Variants in EPB41 observed in about 807,000 individuals in gnomAD.
The protein encoded by EPB41 is protein 4.1.
EPB41 carries 65 observed loss-of-function variants against 108.0 expected under a neutral mutation model. That is an observed-to-expected ratio of 0.60 (90% CI 0.49 to 0.74). The LOEUF is 0.74. Ranked by LOEUF, EPB41 falls within the 30% of genes least tolerant of loss-of-function variation. EPB41 has a pLI of 0.00. For missense variants in EPB41, 875 were observed against 1,037.0 expected, an observed-to-expected ratio of 0.84 and a Z score of 2.15; for synonymous variants, 336 against 358.9, an observed-to-expected ratio of 0.94 and a Z score of 0.72.
intron 1 of EPB41, among the ~76,000 whole-genome samples, chr1:28,895,138 G>C (rs1480905636): frequency 6.6e-6 from 1 of 152,164 alleles, no homozygotes; most frequent in East Asian, 1.9e-4. Flanking sequence ...TTAGAAAATA[G>C]GTGGATTAGG....
At position 29,117,034 on chromosome 1, in the gene EPB41, T is replaced by C. The variant is rs1196498416; in HGVS notation, c.*222T>C. On this transcript the variant is annotated 3_prime_UTR_variant, in exon 21 of 21. Coordinates refer to ENST00000343067, the MANE Select transcript of EPB41 (RefSeq NM_001376013.1). ...TTTTTCTATATTAGGATATCAGAAT[T>C]GTTCAACTTTTCACTCTATAGACTG... The C allele has an allele frequency of 6.6e-6, 1 of 152,254 alleles. No individual in the cohort carries two copies. Among genetic ancestry groups the C allele is most frequent in the Non-Finnish European group, 1.5e-5 (1 of 68,048 alleles). The allele number at this position is 152,254 out of a possible 1,614,324, so 9.4% of individuals were successfully genotyped here. A position where few individuals can be genotyped will look rare whatever the true frequency, so the allele number is the denominator to read the frequency against.
At chr1:29,056,722 C>CA (rs1170171960) in intron 12 of EPB41, among the ~76,000 whole-genome samples, 1 of 152,082 alleles carries the variant, frequency 6.6e-6, no homozygotes, top group Non-Finnish European at 1.5e-5. Context: ...GACAAGGTTT[C>CA]ACCATGTTGG....
intron 1 of EPB41, among the ~76,000 whole-genome samples, chr1:28,951,806 A>G (rs1047131872): frequency 1.3e-5 from 2 of 152,142 alleles, no homozygotes; most frequent in African/African-American, 4.8e-5. Flanking sequence ...GTGAGCTGTG[A>G]TTGTGCCATT....
chr1:28,945,260 G>C (rs191868020), intron 1 of EPB41, among the ~76,000 whole-genome samples: 1 of 152,124 alleles, frequency 6.6e-6, no homozygotes, highest in East Asian at 1.9e-4. Context: ...TTAATTATCT[G>C]GTGGTGAAAA....
At chr1:29,068,322 G>T (rs1649432754) in intron 16 of EPB41, among the ~76,000 whole-genome samples, 1 of 152,136 alleles carries the variant, frequency 6.6e-6, no homozygotes, top group African/African-American at 2.4e-5. Flanking sequence ...AAAGTAACTT[G>T]GTCCTCTCTT....
chr1:29,023,134 A>T (rs1218002490), intron 7 of EPB41, among the ~76,000 whole-genome samples: 1 of 151,514 alleles, frequency 6.6e-6, no homozygotes, highest in Admixed American at 6.6e-5. Flanking sequence ...AGCTAGGATT[A>T]CAAGTGCCTG....
intron 1 of EPB41, among the ~76,000 whole-genome samples, chr1:28,971,128 A>AT (rs1004004508): frequency 1.5e-4 from 22 of 147,362 alleles, no homozygotes; most frequent in African/African-American, 5.6e-4. Context: ...AATTACAGGC[A>AT]TGAGCCACCA....
chr1:29,031,284 A>AT (rs1482002944), intron 8 of EPB41, among the ~76,000 whole-genome samples: 1 of 152,264 alleles, frequency 6.6e-6, no homozygotes, highest in Non-Finnish European at 1.5e-5. Flanking sequence ...ATTTGAAAAT[A>AT]TAGAGCAGTG....
chr1:28,957,035 A>G (rs925611478), intron 1 of EPB41, among the ~76,000 whole-genome samples: 9 of 152,266 alleles, frequency 5.9e-5, no homozygotes, highest in Non-Finnish European at 1.0e-4. Context: ...ACTAGATTGC[A>G]TGTAATGTGA....
chr1:29,047,914 G>T (rs1318399192), intron 11 of EPB41, among the ~76,000 whole-genome samples: 2 of 151,882 alleles, frequency 1.3e-5, no homozygotes, highest in Non-Finnish European at 2.9e-5. Flanking sequence ...CTCCCAAGTA[G>T]CTGGGATTAC....
At chr1:28,947,408 G>GACAGACAA (rs1416066720) in intron 1 of EPB41, among the ~76,000 whole-genome samples, 276 of 149,738 alleles carry the variant, frequency 1.8e-3, no homozygotes, top group Middle Eastern at 6.9e-3. Context: ...CTCCGTCTCA[G>GACAGACAA]ACAAACAAAC....
upstream of EPB41, among the ~76,000 whole-genome samples, chr1:28,910,687 G>A (rs1296363314): frequency 1.3e-5 from 2 of 152,172 alleles, no homozygotes; most frequent in Non-Finnish European, 2.9e-5. Context: ...TGCAGCTGGT[G>A]TTTGCTTTTG....
chr1:29,110,594 G>A (rs578800), intron 18 of EPB41, among the ~76,000 whole-genome samples: 18,699 of 152,114 alleles, frequency 0.12, 1,581 homozygotes, highest in African/African-American at 0.25. Flanking sequence ...GAAAATCAGA[G>A]GCAATCGATG....
chr1:29,102,467 TGAA>T (rs1279811040), intron 17 of EPB41, among the ~76,000 whole-genome samples: 1 of 152,156 alleles, frequency 6.6e-6, no homozygotes, highest in Non-Finnish European at 1.5e-5. Flanking sequence ...TGGCCCCTGA[TGAA>T]GGAGACTGAG....
chr1:29,003,796 T>C (rs1269207169), intron 4 of EPB41, among the ~76,000 whole-genome samples: 1 of 152,216 alleles, frequency 6.6e-6, no homozygotes, highest in African/African-American at 2.4e-5. Flanking sequence ...AGCAAACTTC[T>C]TTTTCTTTCA....
chr1:28,951,829 G>C (rs928681280), intron 1 of EPB41, among the ~76,000 whole-genome samples: 3 of 152,142 alleles, frequency 2.0e-5, no homozygotes, highest in African/African-American at 7.2e-5. Flanking sequence ...ACTGCAGCCT[G>C]ATTGTGCCAT....
chr1:28,900,258 G>A (rs1351236252), intron 1 of EPB41, among the ~76,000 whole-genome samples: 1 of 151,758 alleles, frequency 6.6e-6, no homozygotes, highest in Admixed American at 6.6e-5. Flanking sequence ...GCCTATTCTA[G>A]CTGTGTGATG....
At chr1:28,936,405 T>TA (rs34723499) in intron 1 of EPB41, among the ~76,000 whole-genome samples, 66,823 of 151,664 alleles carry the variant, frequency 0.44, 17,168 homozygotes, top group East Asian at 0.85. Context: ...ACTTGTATCC[T>TA]AAAAAAAATT....
chr1:29,014,436 G>A (rs868322946), intron 5 of EPB41, among the ~76,000 whole-genome samples: 1 of 152,072 alleles, frequency 6.6e-6, no homozygotes, highest in South Asian at 2.1e-4. Flanking sequence ...ATACATATGA[G>A]TATAGTACGA....
Sources: allele counts gnomAD v4.1 joint callset (sites outside exome capture counted in the v4.1 genomes callset), GRCh38; gene constraint gnomAD v4.1.1; transcripts MANE v1.5; gene names NCBI Gene and HGNC (gene_info 2026-07-23, HGNC 2026-07-21).